The following DMD variants were observed in gnomAD, a reference collection of about 807,000 sequenced individuals.
The protein encoded by DMD is dystrophin.
DMD carries 63 observed loss-of-function variants against 330.1 expected under a neutral mutation model. The observed-to-expected ratio is 0.19, with a 90% CI of 0.16 to 0.24. The LOEUF (loss-of-function observed/expected upper bound fraction) is 0.24, where lower values mean the gene tolerates loss of function less well. Among genes scored for constraint, DMD ranks in the 10% least tolerant of loss-of-function variants. The pLI, the probability that DMD is intolerant of heterozygous loss-of-function variation, is 1.00. For synonymous variants in DMD, 1,223 were observed against 959.8 expected (o/e 1.27, Z -5.07); for missense variants, 3,344 against 2,684.1 (o/e 1.25, Z -5.43).
At chrX:32,554,124 C>T (rs142580247) in intron 16 of DMD, among the ~76,000 whole-genome samples, 38 of 112,064 alleles carry the variant, frequency 3.4e-4, no homozygotes, top group Non-Finnish European at 4.9e-4. Context: ...ATCTCTGGGA[C>T]GCAGCTAAAG....
chrX:31,812,116 C>T (rs1011218071), intron 50 of DMD, among the ~76,000 whole-genome samples: 5 of 109,517 alleles, frequency 4.6e-5, no homozygotes, highest in Non-Finnish European at 9.5e-5. Context: ...TAACCTCATG[C>T]TTTAACTGCC....
intron 32 of DMD, among the ~76,000 whole-genome samples, chrX:32,388,496 G>A (rs1159130865): frequency 9.2e-6 from 1 of 108,605 alleles, no homozygotes; most frequent in Non-Finnish European, 1.9e-5. Flanking sequence ...CTAAAATGCA[G>A]CTTGAATTAT....
intron 9 of DMD, among the ~76,000 whole-genome samples, chrX:32,660,057 G>A (rs1209009999): frequency 9.0e-6 from 1 of 111,252 alleles, no homozygotes; most frequent in Non-Finnish European, 1.9e-5. Context: ...GCTCCTAATA[G>A]GAGTAATCAT....
intron 55 of DMD, among the ~76,000 whole-genome samples, chrX:31,578,683 C>A (rs1286433814): frequency 8.9e-6 from 1 of 111,849 alleles, no homozygotes; most frequent in African/African-American, 3.3e-5. Context: ...TAGACTAATT[C>A]AGAAACTAAG....
intron 7 of DMD, among the ~76,000 whole-genome samples, chrX:32,725,202 C>G (rs779976271): frequency 2.7e-5 from 3 of 110,975 alleles, no homozygotes; most frequent in African/African-American, 9.8e-5. Flanking sequence ...AAGGGTGTTC[C>G]AGAAATTTCA....
chrX:32,671,133 C>A (rs1183242720), intron 9 of DMD, among the ~76,000 whole-genome samples: 5 of 110,693 alleles, frequency 4.5e-5, no homozygotes, highest in African/African-American at 1.6e-4. Flanking sequence ...CAATACTACT[C>A]ATGAGTAAAT....
chrX:31,499,345 C>G (rs921828447), intron 56 of DMD, among the ~76,000 whole-genome samples: 11 of 111,050 alleles, frequency 9.9e-5, no homozygotes, highest in Non-Finnish European at 2.1e-4. Flanking sequence ...ATGTTAAGAC[C>G]TCAAGCTGCG....
intron 1 of DMD, among the ~76,000 whole-genome samples, chrX:33,106,094 T>C (rs1254144382): frequency 9.3e-6 from 1 of 107,835 alleles, no homozygotes; most frequent in African/African-American, 3.4e-5. Flanking sequence ...CATAGAATAC[T>C]ACTCAGCCAT....
intron 16 of DMD, among the ~76,000 whole-genome samples, chrX:32,558,183 A>T (rs2149045227): frequency 9.0e-6 from 1 of 111,527 alleles, no homozygotes; most frequent in African/African-American, 3.2e-5. Context: ...TACAAATTGT[A>T]TCAGAAAGAA....
intron 28 of DMD, among the ~76,000 whole-genome samples, chrX:32,440,367 G>A (rs1004439915): frequency 9.0e-6 from 1 of 111,251 alleles, no homozygotes; most frequent in Non-Finnish European, 1.9e-5. Flanking sequence ...TGGATAAAAT[G>A]ATCTATAGGT....
chrX:31,275,538 C>G (rs1362781707), intron 62 of DMD, among the ~76,000 whole-genome samples: 2 of 111,446 alleles, frequency 1.8e-5, no homozygotes, highest in East Asian at 5.6e-4. Flanking sequence ...AATTGGAAGC[C>G]TCTTTGCATA....
intron 34 of DMD, among the ~76,000 whole-genome samples, chrX:32,376,837 T>A (rs2097905192): frequency 9.0e-6 from 1 of 111,087 alleles, no homozygotes; most frequent in South Asian, 3.8e-4. Context: ...CCAGATTGCT[T>A]TTGATTTTAA....
At chrX:32,436,977 T>C (rs752029848) in intron 29 of DMD, among the ~76,000 whole-genome samples, 2 of 111,086 alleles carry the variant, frequency 1.8e-5, no homozygotes, top group South Asian at 7.7e-4. Context: ...TTTGAGTCTT[T>C]TCACAGCTAA....
intron 41 of DMD, among the ~76,000 whole-genome samples, chrX:32,332,276 T>C (rs1165976999): frequency 9.0e-6 from 1 of 111,156 alleles, no homozygotes; most frequent in African/African-American, 3.3e-5. Context: ...AAGACAATTT[T>C]TTTTTGCATT....
At chrX:32,743,296 C>T (rs2069545057) in intron 7 of DMD, among the ~76,000 whole-genome samples, 1 of 111,294 alleles carries the variant, frequency 9.0e-6, no homozygotes, top group Admixed American at 9.6e-5. Flanking sequence ...GCCAGTTGTC[C>T]ACCACAGTTT....
chrX:31,326,243 TA>T (rs1316091424), intron 61 of DMD, among the ~76,000 whole-genome samples: 1 of 111,148 alleles, frequency 9.0e-6, no homozygotes, highest in Non-Finnish European at 1.9e-5. Flanking sequence ...ATGTTTACAT[TA>T]AAAGGGGAAA....
rs751877091 is a variant in DMD, at chrX:31,820,435, T to A, written c.7201-352A>T. ...TGGTTGCATACTAAAATTATCCAGA[T>A]AACTTTAGGAAAATCCTAATGTACT... On this transcript the variant is annotated intron_variant, in intron 49 of 78. Coordinates refer to ENST00000357033, the MANE Select transcript of DMD (RefSeq NM_004006.3). Among the ~76,000 whole-genome samples the A allele has an allele frequency of 1.9e-4, 21 of 112,281 alleles. No homozygotes were observed. The South Asian group carries it at 7.8e-3, about 42-fold the overall frequency.
chrX:33,030,737 G>A (rs2094094667), intron 1 of DMD, among the ~76,000 whole-genome samples: 1 of 111,388 alleles, frequency 9.0e-6, no homozygotes, highest in South Asian at 3.8e-4. Flanking sequence ...CCATACAGCT[G>A]CCTACTCAAT....
intron 51 of DMD, among the ~76,000 whole-genome samples, chrX:31,744,367 C>T (rs1025316613): frequency 8.9e-6 from 1 of 111,868 alleles, no homozygotes; most frequent in Non-Finnish European, 1.9e-5. Context: ...CGGACTTGCT[C>T]AATGCAGCCT....
Sources: gnomAD v4.1 joint callset for allele counts (sites outside exome capture counted in the v4.1 genomes callset) on GRCh38, gnomAD v4.1.1 for gene constraint, MANE v1.5 for transcripts, NCBI Gene and HGNC (gene_info 2026-07-23, HGNC 2026-07-21) for gene names.